ZNF362: variants seen among roughly 807,000 people sequenced by gnomAD.
ZNF362 encodes zinc finger protein 362.
ZNF362 carries 11 observed loss-of-function variants against 42.9 expected under a neutral mutation model. The observed-to-expected ratio is 0.26, with a 90% CI of 0.16 to 0.42. The LOEUF is 0.42. Among genes scored for constraint, ZNF362 ranks in the 20% least tolerant of loss-of-function variants. ZNF362 has a pLI of 1.00. For missense variants in ZNF362, 362 were observed against 576.2 expected, an observed-to-expected ratio of 0.63 and a Z score of 3.81; for synonymous variants, 255 against 257.3, an observed-to-expected ratio of 0.99 and a Z score of 0.09.
At chr1:33,270,279 G>C (rs961547358) in intron 1 of ZNF362, among the ~76,000 whole-genome samples, 3 of 152,088 alleles carry the variant, frequency 2.0e-5, no homozygotes, top group African/African-American at 7.2e-5. Context: ...GGCCAGTGCT[G>C]GGCATCCTAA....
chr1:33,129,858 T>G, the ZNF362 span, among the ~76,000 whole-genome samples: 1 of 152,074 alleles, frequency 6.6e-6, no homozygotes, highest in African/African-American at 2.4e-5. This position sits in a 1 kb window ranked among gnomAD's most constrained non-coding sequence, Gnocchi z 4.1. Flanking sequence ...GCTTTGCACA[T>G]TATTTATTTA....
In ZNF362 at chr1:33,294,330, C is replaced by T. The variant is rs1310893819; in HGVS notation, c.909-607C>T. On this transcript the variant is annotated intron_variant, in intron 6 of 8. Coordinates refer to ENST00000539719, the MANE Select transcript of ZNF362 (RefSeq NM_152493.3). This position sits in a 1 kb window ranked among gnomAD's most constrained non-coding sequence, Gnocchi z 4.2. ...CAAGGTCACCCAGCTGGTTAATAGCCAGGATGAGAACCCAGGAGTGGCAGG... is the reference window on the plus strand; with the variant it reads ...CAAGGTCACCCAGCTGGTTAATAGCTAGGATGAGAACCCAGGAGTGGCAGG... 6.6e-6 allele frequency among the ~76,000 whole-genome samples: 1 copy of T among 152,142 alleles called. No homozygotes were observed. The highest frequency in any genetic ancestry group is 2.4e-5 in the African/African-American group (1 of 41,426).
chr1:33,208,444 C>T, the ZNF362 span, among the ~76,000 whole-genome samples: 1 of 151,850 alleles, frequency 6.6e-6, no homozygotes, highest in Non-Finnish European at 1.5e-5. Flanking sequence ...AATTTAAAGT[C>T]GTTTTTTTCC....
At position 33,300,615 on chromosome 1, in the gene ZNF362, C is replaced by G. The variant is rs541600119; in HGVS notation, c.*1569C>G. 6.6e-6 allele frequency: 1 copy of G among 151,886 alleles called. No homozygotes were observed. The highest frequency in any genetic ancestry group is 2.1e-4 in the South Asian group (1 of 4,796). The allele number at this position is 151,886 out of a possible 1,614,324, so 9.4% of individuals were successfully genotyped here. On this transcript the variant is annotated 3_prime_UTR_variant, in exon 9 of 9. Coordinates refer to ENST00000539719, the MANE Select transcript of ZNF362 (RefSeq NM_152493.3). ...AAGGGAGTGGGGAGCAAATGAAAAT[C>G]AAATGTGGGGGGAAAACACTAAAGG...
At chr1:33,179,840 T>C in the ZNF362 span, among the ~76,000 whole-genome samples, 1 of 152,168 alleles carries the variant, frequency 6.6e-6, no homozygotes, top group African/African-American at 2.4e-5. Flanking sequence ...TTAAACACAG[T>C]AAAATAGATT....
At chr1:33,295,118 T>C (rs777920115) in intron 7 of ZNF362, 29 bp from the exon 8 acceptor site, 1 of 1,606,060 alleles carries the variant, frequency 6.2e-7, no homozygotes, top group South Asian at 1.1e-5. Context: ...GCCCTGTTCC[T>C]CTCCTGACCC....
At position 33,281,465 on chromosome 1, in the gene ZNF362, C is replaced by A; in HGVS notation, c.684-122C>A. On this transcript the variant is annotated intron_variant, in intron 5 of 8. Coordinates refer to ENST00000539719, the MANE Select transcript of ZNF362 (RefSeq NM_152493.3). This position sits in a 1 kb window ranked among gnomAD's most constrained non-coding sequence, Gnocchi z 4.8. ...CCTGTCTTTCCCAGGTGGTCCTGTG[C>A]TTCTTGGGCTCATCACAGGAAAGAC... 1 of 900,212 alleles carries A rather than the reference C, an allele frequency of 1.1e-6. No homozygotes were observed. Among genetic ancestry groups the A allele is most frequent in the Non-Finnish European group, 1.7e-6 (1 of 575,150 alleles). 55.8% of individuals were successfully genotyped at this position (900,212 alleles called of 1,614,324 possible).
At chr1:33,215,408 T>C in the ZNF362 span, among the ~76,000 whole-genome samples, 10 of 152,276 alleles carry the variant, frequency 6.6e-5, no homozygotes, top group South Asian at 1.2e-3. Flanking sequence ...AATATACTTA[T>C]ATAGAATGAA....
intron 1 of ZNF362, among the ~76,000 whole-genome samples, chr1:33,259,205 G>A (rs977271933): frequency 6.6e-6 from 1 of 152,184 alleles, no homozygotes; most frequent in Non-Finnish European, 1.5e-5. Flanking sequence ...GGGACAATGA[G>A]CCCCTCTACC....
At chr1:33,173,449 G>A in the ZNF362 span, among the ~76,000 whole-genome samples, 2 of 152,184 alleles carry the variant, frequency 1.3e-5, no homozygotes, top group South Asian at 2.1e-4. Context: ...ATGTGTGTGT[G>A]TGCATGTATG....
At chr1:33,188,513 A>G in the ZNF362 span, among the ~76,000 whole-genome samples, 1 of 152,194 alleles carries the variant, frequency 6.6e-6, no homozygotes, top group Non-Finnish European at 1.5e-5. Flanking sequence ...AATCTGTATC[A>G]GTCCCATGAA....
At chr1:33,238,381 T>TAATAAAATAAAATAAATA in the ZNF362 span, among the ~76,000 whole-genome samples, 12 of 105,526 alleles carry the variant, frequency 1.1e-4, no homozygotes, top group African/African-American at 2.1e-4. Context: ...TAAAATAAAA[T>TAATAAAATAAAATAAATA]AAATAAAATA....
the ZNF362 span, among the ~76,000 whole-genome samples, chr1:33,132,910 G>C: frequency 6.6e-6 from 1 of 152,266 alleles, no homozygotes; most frequent in East Asian, 1.9e-4. Context: ...CTTCAGAAAA[G>C]CATGGGGGAA....
intron 4 of ZNF362, among the ~76,000 whole-genome samples, chr1:33,276,834 A>G (rs2148098365): frequency 6.6e-6 from 1 of 152,366 alleles, no homozygotes; most frequent in African/African-American, 2.4e-5. Context: ...GGAGCCGGTC[A>G]CTGCCCCATG....
At chr1:33,127,779 A>C in the ZNF362 span, among the ~76,000 whole-genome samples, 1 of 152,352 alleles carries the variant, frequency 6.6e-6, no homozygotes, top group East Asian at 1.9e-4. Flanking sequence ...TCTTTGAAAT[A>C]ATTCTTGATC....
intron 2 of ZNF362, chr1:33,274,847 C>A: frequency 1.4e-6 from 1 of 732,948 alleles, no homozygotes; most frequent in Non-Finnish European, 1.7e-6. Context: ...AGTTTCTTCA[C>A]TGATAAAATG....
rs762206317 is a variant in ZNF362 at position 33,276,614 on chromosome 1, C to A, written c.349+20C>A. ...TCACAGGTAGGCCGAGCGGGCGGGG[C>A]CGGCGGGGCCGGTGAGGACTGGGCA... On this transcript the variant is annotated intron_variant, in intron 4 of 8. Transcript: ENST00000539719. 1.5e-6 allele frequency: 2 copies of A among 1,317,458 alleles called. No individual in the cohort carries two copies. The highest frequency in any genetic ancestry group is 1.9e-6 in the Non-Finnish European group (2 of 1,036,920). The allele number at this position is 1,317,458 out of a possible 1,614,324, so 81.6% of individuals were successfully genotyped here.
At chr1:33,195,368 C>T in the ZNF362 span, 1 of 152,138 alleles carries the variant, frequency 6.6e-6, no homozygotes, top group Non-Finnish European at 1.5e-5. Context: ...TACCTTTTCA[C>T]CTGGAACAAC....
At chr1:33,148,231 G>A in the ZNF362 span, among the ~76,000 whole-genome samples, 1 of 152,142 alleles carries the variant, frequency 6.6e-6, no homozygotes, top group Non-Finnish European at 1.5e-5. Flanking sequence ...CACCTTCCCC[G>A]ACTCCCAGTG....
Sources: gnomAD v4.1 joint callset for allele counts (sites outside exome capture counted in the v4.1 genomes callset) on GRCh38, gnomAD v4.1.1 for gene constraint, Gnocchi (gnomAD v3.1) non-coding constraint, MANE v1.5 for transcripts, NCBI Gene and HGNC (gene_info 2026-07-23, HGNC 2026-07-21) for gene names.